CYP4X1: variants seen among roughly 807,000 people sequenced by gnomAD.
CYP4X1 encodes cytochrome P450 4X1.
In CYP4X1, 44 loss-of-function variants were observed where a neutral mutation model predicts 57.9. That is an observed-to-expected ratio of 0.76 (90% confidence interval 0.60 to 0.98). CYP4X1 has a LOEUF of 0.98. Ranked by LOEUF, CYP4X1 falls within the 50% of genes least tolerant of loss-of-function variation. The pLI, the probability that CYP4X1 is intolerant of heterozygous loss-of-function variation, is 0.00. For missense variants in CYP4X1, 532 were observed against 623.9 expected, an observed-to-expected ratio of 0.85 and a Z score of 1.57; for synonymous variants, 227 against 228.6, an observed-to-expected ratio of 0.99 and a Z score of 0.06.
At chr1:46,981,785 T>A in the CYP4X1 span, among the ~76,000 whole-genome samples, 1 of 152,222 alleles carries the variant, frequency 6.6e-6, no homozygotes, top group East Asian at 1.9e-4. Flanking sequence ...ATATACACCA[T>A]GGAATACTAT....
At chr1:47,041,416 A>T (rs895459279) in intron 8 of CYP4X1, among the ~76,000 whole-genome samples, 1 of 152,174 alleles carries the variant, frequency 6.6e-6, no homozygotes, top group East Asian at 1.9e-4. Flanking sequence ...CCAAAAGTGT[A>T]TAAGGGTTCT....
chr1:47,034,510 C>T (rs1644158882), intron 4 of CYP4X1, among the ~76,000 whole-genome samples: 1 of 152,190 alleles, frequency 6.6e-6, no homozygotes, highest in Admixed American at 6.5e-5. Context: ...CAAAGTTTTC[C>T]TCTCACTTCA....
At chr1:47,031,809 A>C (rs894080460) in intron 3 of CYP4X1, among the ~76,000 whole-genome samples, 13 of 152,182 alleles carry the variant, frequency 8.5e-5, no homozygotes, top group African/African-American at 2.4e-4. Flanking sequence ...TGGGAGGCCA[A>C]GGTGGGAGGA....
the CYP4X1 span, among the ~76,000 whole-genome samples, chr1:46,965,417 T>G: frequency 6.6e-6 from 1 of 152,164 alleles, no homozygotes; most frequent in Non-Finnish European, 1.5e-5. Context: ...TTTTTGTTGA[T>G]GTTGTTGTTG....
downstream of CYP4X1, among the ~76,000 whole-genome samples, chr1:47,055,242 A>G (rs1021155010): frequency 1.3e-5 from 2 of 152,134 alleles, no homozygotes; most frequent in Admixed American, 6.5e-5. Context: ...CATATGTTGA[A>G]CCAGCCTTTC....
At chr1:47,021,329 A>G (rs151213619), upstream of CYP4X1, among the ~76,000 whole-genome samples, 652 of 152,240 alleles carry the variant, frequency 4.3e-3, 4 homozygotes, top group African/African-American at 0.015. Flanking sequence ...ATTCTCCACC[A>G]GGGATAGCAA....
the CYP4X1 span, among the ~76,000 whole-genome samples, chr1:46,968,864 T>C: frequency 6.6e-6 from 1 of 152,228 alleles, no homozygotes; most frequent in Non-Finnish European, 1.5e-5. Flanking sequence ...AGACACAGGC[T>C]TAATAGATAC....
chr1:47,000,356 T>C, the CYP4X1 span, among the ~76,000 whole-genome samples: 1 of 152,060 alleles, frequency 6.6e-6, no homozygotes, highest in Non-Finnish European at 1.5e-5. Context: ...GTAGTATCTT[T>C]TTAGCAGTGT....
chr1:47,010,779 C>A, the CYP4X1 span, among the ~76,000 whole-genome samples: 4 of 152,134 alleles, frequency 2.6e-5, no homozygotes, highest in Admixed American at 1.3e-4. Flanking sequence ...AGACAGAGAG[C>A]CAAATCATCA....
the CYP4X1 span, among the ~76,000 whole-genome samples, chr1:46,979,062 A>C: frequency 6.6e-6 from 1 of 152,244 alleles, no homozygotes; most frequent in Non-Finnish European, 1.5e-5. Flanking sequence ...CACAATTAAA[A>C]GAACTAGAGA....
intron 10 of CYP4X1, 33 bp downstream of exon 10, chr1:47,048,662 A>T: frequency 1.3e-6 from 2 of 1,591,780 alleles, no homozygotes. Context: ...AATACTTCCA[A>T]GAACTAATGC....
At chr1:47,032,343 A>G (rs1390240914) in intron 3 of CYP4X1, among the ~76,000 whole-genome samples, 8 of 152,216 alleles carry the variant, frequency 5.3e-5, no homozygotes. Flanking sequence ...TGCATTGACT[A>G]GTTAAATATG....
At chr1:47,047,591 C>CTGTGTGTG in intron 9 of CYP4X1, among the ~76,000 whole-genome samples, 1 of 151,084 alleles carries the variant, frequency 6.6e-6, no homozygotes, top group Non-Finnish European at 1.5e-5. Context: ...AATCACAGTT[C>CTGTGTGTG]TGTGTGTGTG....
At chr1:47,048,699 G>T in intron 10 of CYP4X1, 70 bp downstream of exon 10, 2 of 1,389,552 alleles carry the variant, frequency 1.4e-6, no homozygotes, top group Admixed American at 4.5e-5. Flanking sequence ...TGGTAGCTAA[G>T]CACAGAAGTG....
the CYP4X1 span, among the ~76,000 whole-genome samples, chr1:46,965,424 GT>G: frequency 6.6e-6 from 1 of 152,200 alleles, no homozygotes; most frequent in Non-Finnish European, 1.5e-5. Context: ...TGATGTTGTT[GT>G]TGTTTCCTGT....
chr1:46,971,537 C>T, the CYP4X1 span, among the ~76,000 whole-genome samples: 24 of 152,300 alleles, frequency 1.6e-4, no homozygotes, highest in African/African-American at 5.8e-4. Context: ...ACATTCCCAC[C>T]AGCACCATAT....
the CYP4X1 span, among the ~76,000 whole-genome samples, chr1:47,018,580 G>C: frequency 2.6e-5 from 4 of 152,154 alleles, no homozygotes; most frequent in South Asian, 4.1e-4. Context: ...CAGCGCTGGA[G>C]TGGAAGAGGT....
chr1:47,035,866 A>G lies in CYP4X1; in HGVS notation c.553A>G (p.Asn185Asp). The change falls in exon 5 of 12, where the codon AAC (asparagine) becomes GAC (aspartate). Residue 185 changes from asparagine (N) to aspartate (D), a missense_variant. By Grantham distance (23) the Asn-to-Asp change is conservative. Coordinates refer to ENST00000371901, the MANE Select transcript of CYP4X1 (RefSeq NM_178033.2). ...DTSVEVYEHI[N>D]SMSLDIIMKC... ...AAGCGTGGAGGTCTATGAGCACATC[A>G]ACTCGATGTCTCTGGATATAATCAT... 6.2e-7 allele frequency: 1 copy of G among 1,613,748 alleles called. No individual in the cohort carries two copies. The highest frequency in any genetic ancestry group is 1.1e-5 in the South Asian group (1 of 91,026).
downstream of CYP4X1, among the ~76,000 whole-genome samples, chr1:47,051,422 T>C (rs999116896): frequency 2.0e-5 from 3 of 152,080 alleles, no homozygotes; most frequent in Admixed American, 6.5e-5. Context: ...CTTAATGTTG[T>C]CATCTATGTG....
Sources: allele counts gnomAD v4.1 joint callset (sites outside exome capture counted in the v4.1 genomes callset), GRCh38; gene constraint gnomAD v4.1.1; transcripts MANE v1.5; gene names NCBI Gene and HGNC (gene_info 2026-07-23, HGNC 2026-07-21).